Variants in ANKFY1 observed in about 807,000 individuals in gnomAD.
The protein encoded by ANKFY1 is ankyrin repeat and FYVE domain containing 1.
A neutral mutation model predicts 128.3 loss-of-function variants in ANKFY1; 47 were observed. That is an observed-to-expected ratio of 0.37 (90% CI 0.29 to 0.47). The LOEUF (loss-of-function observed/expected upper bound fraction) is 0.47. Ranked by LOEUF, ANKFY1 falls within the 20% of genes least tolerant of loss-of-function variation. ANKFY1 has a pLI of 1.00. For synonymous variants in ANKFY1, 553 were observed against 601.6 expected (o/e 0.92, Z 1.18); for missense variants, 1,222 against 1,510.6 (o/e 0.81, Z 3.17).
chr17:4,175,764 G>T (rs1248086945), intron 19 of ANKFY1, among the ~76,000 whole-genome samples: 1 of 152,222 alleles, frequency 6.6e-6, no homozygotes, highest in African/African-American at 2.4e-5. Flanking sequence ...CTGTGTTAGG[G>T]ATCATAACTG....
chr17:4,198,153 G>A (rs910301281), intron 7 of ANKFY1, among the ~76,000 whole-genome samples: 5 of 151,314 alleles, frequency 3.3e-5, no homozygotes, highest in African/African-American at 1.2e-4. Context: ...AGAACACTAG[G>A]CTTCTACTCT....
intron 1 of ANKFY1, among the ~76,000 whole-genome samples, chr17:4,247,541 C>T (rs901050852): frequency 1.3e-5 from 2 of 152,170 alleles, no homozygotes; most frequent in Admixed American, 1.3e-4. Flanking sequence ...TGAGCACTTA[C>T]CAGCGCTACT....
intron 12 of ANKFY1, among the ~76,000 whole-genome samples, chr17:4,184,354 G>GC (rs1478133363): frequency 6.6e-6 from 1 of 152,210 alleles, no homozygotes; most frequent in East Asian, 1.9e-4. Context: ...AAGGATTGAG[G>GC]CAAGAGCAAA....
At chr17:4,205,412 T>A (rs2060004682) in intron 7 of ANKFY1, among the ~76,000 whole-genome samples, 1 of 152,174 alleles carries the variant, frequency 6.6e-6, no homozygotes. Context: ...AAAAACCTAG[T>A]ATTTTTTTTT....
At chr17:4,236,418 C>T (rs1966907520) in intron 2 of ANKFY1, among the ~76,000 whole-genome samples, 1 of 152,196 alleles carries the variant, frequency 6.6e-6, no homozygotes, top group Non-Finnish European at 1.5e-5. Flanking sequence ...TCACTAGAAA[C>T]ATTCAGTCCT....
Position 4,182,258 on chromosome 17 carries a change from AC to A in ANKFY1, c.2043del (p.Met681IlefsTer71). Reference sequence around the variant, plus strand: ...GGGTTCCCCTTCTCATCTGGCACAGACATGTCAGCTCCTCGGGTGCATATGG... The same window carrying A: ...GGGTTCCCCTTCTCATCTGGCACAGAATGTCAGCTCCTCGGGTGCATATGG... ...VDAICTRGAD[M>X]SVPDEKGNPP... On this transcript the variant is annotated frameshift_variant, in exon 15 of 25. Transcript: ENST00000341657. LOFTEE classifies it high-confidence loss of function. The A allele has an allele frequency of 6.3e-7, 1 of 1,594,492 alleles. No homozygotes were observed. The highest frequency in any genetic ancestry group is 8.5e-7 in the Non-Finnish European group (1 of 1,169,648).
intron 1 of ANKFY1, among the ~76,000 whole-genome samples, chr17:4,246,851 C>T (rs1967568685): frequency 6.6e-6 from 1 of 152,206 alleles, no homozygotes; most frequent in Non-Finnish European, 1.5e-5. Context: ...GTGTTTCACA[C>T]CTGTAATCCC....
intron 1 of ANKFY1, among the ~76,000 whole-genome samples, chr17:4,247,730 A>G (rs574667445): frequency 6.6e-6 from 1 of 152,252 alleles, no homozygotes; most frequent in African/African-American, 2.4e-5. Context: ...ATGGAGAGAG[A>G]ATTTACAGTG....
intron 11 of ANKFY1, chr17:4,187,066 C>T (rs765894063): frequency 9.6e-5 from 115 of 1,197,348 alleles, no homozygotes; most frequent in East Asian, 3.8e-4. Flanking sequence ...ATAAGTTCTT[C>T]GGTGGTGATT....
chr17:4,234,774 G>A (rs1437831547), intron 3 of ANKFY1, among the ~76,000 whole-genome samples: 2 of 152,052 alleles, frequency 1.3e-5, no homozygotes, highest in Non-Finnish European at 2.9e-5. Context: ...CTCTCAAAGT[G>A]CTAGGATTAC....
intron 3 of ANKFY1, chr17:4,222,263 C>A (rs1361972559): frequency 3.7e-6 from 2 of 544,296 alleles, no homozygotes; most frequent in South Asian, 4.2e-5. Flanking sequence ...GCCGCGGGGC[C>A]CAGCGTGAGC....
chr17:4,186,997 G>GT (rs980749516), intron 11 of ANKFY1: 334 of 1,216,204 alleles, frequency 2.7e-4, no homozygotes, highest in Admixed American at 6.0e-4. Flanking sequence ...CGCCGCAACT[G>GT]TTTTTTTTAA....
intron 3 of ANKFY1, chr17:4,223,620 T>C (rs2143121585): frequency 1.4e-6 from 2 of 1,457,718 alleles, no homozygotes; most frequent in Non-Finnish European, 1.9e-6. Context: ...CTCATGACTC[T>C]GGGCCAGACG....
intron 1 of ANKFY1, among the ~76,000 whole-genome samples, chr17:4,248,223 G>C (rs1340988437): frequency 6.6e-6 from 1 of 152,146 alleles, no homozygotes; most frequent in African/African-American, 2.4e-5. Context: ...ACACCCAGCA[G>C]GAGGTGAGCT....
rs1056058513 is a variant in ANKFY1 at position 4,206,561 on chromosome 17, C to A, written c.733-75G>T. 1.2e-5 allele frequency: 16 copies of A among 1,339,588 alleles called. No homozygotes were observed. The African/African-American group carries it at 2.2e-4, about 18-fold the overall frequency. The allele number at this position is 1,339,588 out of a possible 1,614,324, so 83.0% of individuals were successfully genotyped here. A position where few individuals can be genotyped will look rare whatever the true frequency, so the allele number is the denominator to read the frequency against. On this transcript the variant is annotated intron_variant, in intron 6 of 24. Coordinates refer to ENST00000341657, the MANE Select transcript of ANKFY1 (RefSeq NM_001330063.2). ...CTATTTTAATTTCTCCCACCTTGAC[C>A]CTTAAATATCATCTCTTATACAAAT...
Position 4,178,205 on chromosome 17 carries a change from C to G in ANKFY1, c.2598+652G>C, listed in dbSNP as rs1444654824. ...AGCCTAAGACACCAAGCAATCATCTCCACCCATGCGAGGATCTCACTTCAC... is the reference window on the plus strand; with the variant it reads ...AGCCTAAGACACCAAGCAATCATCTGCACCCATGCGAGGATCTCACTTCAC... On this transcript the variant is annotated intron_variant, in intron 18 of 24. Transcript: ENST00000341657. The surrounding 1 kb of genome is among the most constrained non-coding windows in gnomAD (Gnocchi z 4.1). 6.5e-6 allele frequency: 1 copy of G among 153,810 alleles called. No homozygotes were observed. The highest frequency in any genetic ancestry group is 1.4e-5 in the Non-Finnish European group (1 of 69,084). 9.5% of individuals were successfully genotyped at this position (153,810 alleles called of 1,614,324 possible). A position where few individuals can be genotyped will look rare whatever the true frequency, so the allele number is the denominator to read the frequency against.
intron 1 of ANKFY1, among the ~76,000 whole-genome samples, chr17:4,246,201 GA>G (rs1209024892): frequency 3.9e-5 from 6 of 152,170 alleles, no homozygotes; most frequent in Admixed American, 6.5e-5. Context: ...CTAGTGTAAA[GA>G]AAATGTTCCA....
rs920583822 is a variant in ANKFY1 at position 4,257,895 on chromosome 17, T to C, written c.10+6037A>G. ...GGTTCAACAGGAGATTCTGGGGACA[T>C]AGCAATTTCTCATTTGGTTCAGCAA... On this transcript the variant is annotated intron_variant, in intron 1 of 24. Coordinates refer to ENST00000341657, the MANE Select transcript of ANKFY1 (RefSeq NM_001330063.2). 5.3e-5 allele frequency among the ~76,000 whole-genome samples: 8 copies of C among 152,228 alleles called. 1 individual carries two copies. The highest frequency in any genetic ancestry group is 1.9e-4 in the East Asian group (1 of 5,198).
intron 3 of ANKFY1, among the ~76,000 whole-genome samples, chr17:4,217,668 T>C (rs1009542349): frequency 2.6e-5 from 4 of 152,124 alleles, no homozygotes; most frequent in African/African-American, 9.7e-5. Flanking sequence ...TTGAAACATA[T>C]GACAAAGAAT....
Sources: gnomAD v4.1 joint callset for allele counts (sites outside exome capture counted in the v4.1 genomes callset) on GRCh38, gnomAD v4.1.1 for gene constraint, Gnocchi (gnomAD v3.1) non-coding constraint, MANE v1.5 for transcripts, NCBI Gene and HGNC (gene_info 2026-07-23, HGNC 2026-07-21) for gene names.